Variants in CRPPA observed in about 807,000 individuals in gnomAD.
CRPPA encodes the protein D-ribitol-5-phosphate cytidylyltransferase.
Under a neutral mutation model 52.0 loss-of-function variants are expected in CRPPA, and 43 were observed. That is an observed-to-expected ratio of 0.83 (90% CI 0.65 to 1.07). The LOEUF is 1.07. Ranked by LOEUF, CRPPA falls within the 50% of genes least tolerant of loss-of-function variation. The probability of loss-of-function intolerance (pLI) is 0.00; values close to 1 mark genes in which losing one functional copy is unlikely to be tolerated. For synonymous variants in CRPPA, 250 were observed against 203.5 expected, an observed-to-expected ratio of 1.23 and a Z score of -1.94; for missense variants, 629 against 551.7, an observed-to-expected ratio of 1.14 and a Z score of -1.40.
At chr7:16,375,988 T>A in intron 3 of CRPPA, 104 bp downstream of exon 3, 1 of 1,106,610 alleles carries the variant, frequency 9.0e-7, no homozygotes, top group Non-Finnish European at 1.3e-6. Context: ...GCCTTGAGTA[T>A]AACTATACGC....
In CRPPA at chr7:16,301,194, T is replaced by C. The variant is rs17169409; in HGVS notation, c.835+227A>G. ...ATGTCCCATACTTCCCTCAAGTTAA[T>C]AAAGTATTTCCTGTATAAAAATTAA... On this transcript the variant is annotated intron_variant, in intron 5 of 9. Transcript: ENST00000407010. 0.021 allele frequency among the ~76,000 whole-genome samples: 3,234 copies of C among 152,322 alleles called. 105 individuals carry two copies. The highest frequency in any genetic ancestry group is 0.072 in the African/African-American group (2,992 of 41,560).
rs2128360917 is a variant in CRPPA at position 16,091,137 on chromosome 7, T to C, written c.*558A>G. 6.6e-6 allele frequency: 1 copy of C among 152,442 alleles called. No homozygotes were observed. The highest frequency in any genetic ancestry group is 1.9e-4 in the East Asian group (1 of 5,196). The allele number at this position is 152,442 out of a possible 1,614,324, so 9.4% of individuals were successfully genotyped here. On this transcript the variant is annotated 3_prime_UTR_variant, in exon 10 of 10. Coordinates refer to ENST00000407010, the MANE Select transcript of CRPPA (RefSeq NM_001101426.4). Reference sequence around the variant, plus strand: ...TCTGTTTTAGGGATCTTGAGTAATATGTGGCAAATGGGGAAAATGCTAGAA... The same window carrying C: ...TCTGTTTTAGGGATCTTGAGTAATACGTGGCAAATGGGGAAAATGCTAGAA...
In CRPPA at chr7:16,156,156, C is replaced by A. The variant is rs1339900429; in HGVS notation, c.1251+59910G>T. ...AAAATACGCTATTTAATTACACTAT[C>A]TAGAATCTTAAAAAGAAGTGTGTTT... On this transcript the variant is annotated intron_variant, in intron 9 of 9. Coordinates refer to ENST00000407010, the MANE Select transcript of CRPPA (RefSeq NM_001101426.4). Among the ~76,000 whole-genome samples, 5 of 148,964 alleles carry A rather than the reference C, an allele frequency of 3.4e-5. No individual in the cohort carries two copies. The East Asian group carries it at 9.9e-4, about 29-fold the overall frequency.
chr7:16,247,530 T>A (rs1358055943), intron 8 of CRPPA, among the ~76,000 whole-genome samples: 1 of 152,092 alleles, frequency 6.6e-6, no homozygotes, highest in Non-Finnish European at 1.5e-5. Context: ...AATAGTAATA[T>A]AAGAGATCAC....
chr7:16,096,297 T>A (rs2128362387), intron 9 of CRPPA, among the ~76,000 whole-genome samples: 1 of 150,758 alleles, frequency 6.6e-6, no homozygotes, highest in African/African-American at 2.4e-5. Context: ...ACACCCATAA[T>A]CAGGAGAAAA....
At chr7:16,399,317 C>G (rs556153253) in intron 2 of CRPPA, among the ~76,000 whole-genome samples, 2 of 151,580 alleles carry the variant, frequency 1.3e-5, no homozygotes, top group African/African-American at 4.9e-5. Context: ...TGACACGTGA[C>G]CAACACGTGA....
intron 6 of CRPPA, among the ~76,000 whole-genome samples, chr7:16,262,624 TAAAAC>T (rs1783839125): frequency 6.6e-6 from 1 of 152,202 alleles, no homozygotes; most frequent in Non-Finnish European, 1.5e-5. Flanking sequence ...ATTAGAGTGT[TAAAAC>T]AAAATCAGAC....
At chr7:16,114,315 C>T (rs1313222295) in intron 9 of CRPPA, among the ~76,000 whole-genome samples, 1 of 151,080 alleles carries the variant, frequency 6.6e-6, no homozygotes, top group East Asian at 2.0e-4. Flanking sequence ...CACACACACA[C>T]ACCTTTGATA....
chr7:16,089,496 T>C lies in CRPPA; in HGVS notation c.*2199A>G, dbSNP rs930609323. ...ACGTACATATATACGGGTATATATG[T>C]ACGTACATACATAGATATGGGTATA... On this transcript the variant is annotated 3_prime_UTR_variant, in exon 10 of 10. Coordinates refer to ENST00000407010, the MANE Select transcript of CRPPA (RefSeq NM_001101426.4). 17 of 297,008 alleles carry C rather than the reference T, an allele frequency of 5.7e-5. No homozygotes were observed. Among genetic ancestry groups the C allele is most frequent in the Non-Finnish European group, 1.2e-4 (16 of 136,532 alleles). 18.4% of individuals were successfully genotyped at this position (297,008 alleles called of 1,614,324 possible).
At chr7:16,239,559 C>CAACA in intron 8 of CRPPA, among the ~76,000 whole-genome samples, 1 of 47,634 alleles carries the variant, frequency 2.1e-5, no homozygotes, top group Non-Finnish European at 3.9e-5. Flanking sequence ...AAGTCAATAG[C>CAACA]AAAAAAAAAA....
intron 8 of CRPPA, among the ~76,000 whole-genome samples, chr7:16,247,371 C>A (rs1196105668): frequency 6.6e-6 from 1 of 152,074 alleles, no homozygotes; most frequent in African/African-American, 2.4e-5. Context: ...GGCCTGATTT[C>A]AGTATTGTTT....
intron 8 of CRPPA, 168 bp from the exon 9 acceptor site, chr7:16,216,365 T>C: frequency 2.1e-6 from 1 of 481,376 alleles, no homozygotes; most frequent in South Asian, 3.2e-5. Context: ...GATCGATGAA[T>C]CCTCCTTTAT....
At chr7:16,120,402 C>T (rs1171892260) in intron 9 of CRPPA, among the ~76,000 whole-genome samples, 1 of 152,136 alleles carries the variant, frequency 6.6e-6, no homozygotes, top group Non-Finnish European at 1.5e-5. Flanking sequence ...ACCAGAATCA[C>T]CCCTTACCCC....
chr7:16,323,064 G>T (rs1006019603), intron 3 of CRPPA, among the ~76,000 whole-genome samples: 5 of 152,030 alleles, frequency 3.3e-5, no homozygotes, highest in Admixed American at 1.3e-4. Context: ...ACCTGGTACC[G>T]GCCTTGATAC....
intron 9 of CRPPA, among the ~76,000 whole-genome samples, chr7:16,194,511 A>G (rs991036393): frequency 6.6e-6 from 1 of 152,158 alleles, no homozygotes; most frequent in Non-Finnish European, 1.5e-5. Flanking sequence ...CTGTCAACAC[A>G]AAGTTACTAA....
At chr7:16,353,895 T>C (rs192301915) in intron 3 of CRPPA, among the ~76,000 whole-genome samples, 31 of 152,118 alleles carry the variant, frequency 2.0e-4, no homozygotes, top group African/African-American at 5.3e-4. Context: ...TCACTACCAA[T>C]AATTCAGGTG....
intron 9 of CRPPA, among the ~76,000 whole-genome samples, chr7:16,132,719 C>T (rs1293915136): frequency 8.1e-6 from 1 of 124,072 alleles, no homozygotes; most frequent in African/African-American, 2.6e-5. Context: ...AGATTTGCAA[C>T]AACTTGTAAA....
intron 1 of CRPPA, among the ~76,000 whole-genome samples, chr7:16,417,706 A>T (rs1026653931): frequency 6.6e-6 from 1 of 152,160 alleles, no homozygotes; most frequent in African/African-American, 2.4e-5. Flanking sequence ...GATGGGATCA[A>T]TCATACCCTA....
intron 8 of CRPPA, among the ~76,000 whole-genome samples, chr7:16,242,089 G>C (rs565708653): frequency 2.0e-5 from 3 of 150,606 alleles, no homozygotes; most frequent in Non-Finnish European, 4.4e-5. Flanking sequence ...AGCTGGGATG[G>C]AACTACAGGC....
Sources: gnomAD v4.1 joint callset for allele counts (sites outside exome capture counted in the v4.1 genomes callset) on GRCh38, gnomAD v4.1.1 for gene constraint, MANE v1.5 for transcripts, NCBI Gene and HGNC (gene_info 2026-07-23, HGNC 2026-07-21) for gene names.